IL1RAP: variants seen among roughly 807,000 people sequenced by gnomAD.
The protein encoded by IL1RAP is interleukin-1 receptor accessory protein.
IL1RAP carries 35 observed loss-of-function variants against 60.7 expected under a neutral mutation model. The ratio of observed to expected loss-of-function variants is 0.58; its 90% CI spans 0.44 to 0.76. IL1RAP has a LOEUF of 0.76. Among genes scored for constraint, IL1RAP ranks in the 30% least tolerant of loss-of-function variants. The pLI is 0.00. For missense variants in IL1RAP, 572 were observed against 693.9 expected (o/e 0.82, Z 1.97); for synonymous variants, 268 against 250.9 (o/e 1.07, Z -0.64).
At chr3:190,584,096 A>G (rs955079492) in intron 3 of IL1RAP, among the ~76,000 whole-genome samples, 2 of 152,190 alleles carry the variant, frequency 1.3e-5, no homozygotes, top group Non-Finnish European at 2.9e-5. Flanking sequence ...TTCTGCTCCT[A>G]TAATTCTGCC....
At chr3:190,581,128 C>T (rs1727960465) in intron 3 of IL1RAP, among the ~76,000 whole-genome samples, 1 of 152,154 alleles carries the variant, frequency 6.6e-6, no homozygotes, top group South Asian at 2.1e-4. Context: ...ATATAAATCT[C>T]AGTGCTATGG....
intron 5 of IL1RAP, among the ~76,000 whole-genome samples, chr3:190,613,238 T>C (rs1269627460): frequency 6.6e-6 from 1 of 152,202 alleles, no homozygotes; most frequent in East Asian, 1.9e-4. Context: ...GATGACATGG[T>C]GCTATTAACC....
At chr3:190,583,035 A>T (rs544273141) in intron 3 of IL1RAP, among the ~76,000 whole-genome samples, 1 of 152,222 alleles carries the variant, frequency 6.6e-6, no homozygotes, top group Non-Finnish European at 1.5e-5. Context: ...CTCAGGGAAC[A>T]TCCCATCTCC....
At chr3:190,540,571 T>C (rs547905593) in intron 1 of IL1RAP, among the ~76,000 whole-genome samples, 2 of 152,170 alleles carry the variant, frequency 1.3e-5, no homozygotes, top group East Asian at 3.9e-4. Context: ...TTCATTTTGC[T>C]CTTTCTTCTG....
At chr3:190,521,246 C>CT in intron 1 of IL1RAP, among the ~76,000 whole-genome samples, 1 of 151,844 alleles carries the variant, frequency 6.6e-6, no homozygotes, top group East Asian at 1.9e-4. Flanking sequence ...TAATATAGAA[C>CT]TTTAAGTCGT....
chr3:190,657,653 C>T (rs948118509), exon 12 of IL1RAP: 3 of 152,176 alleles, frequency 2.0e-5, no homozygotes, highest in African/African-American at 4.8e-5. Flanking sequence ...ATAGTTATTT[C>T]TTCTCTGTAA....
intron 1 of IL1RAP, among the ~76,000 whole-genome samples, chr3:190,531,953 A>T (rs952513988): frequency 1.3e-5 from 2 of 152,194 alleles, no homozygotes; most frequent in African/African-American, 4.8e-5. Context: ...AAAGAATACT[A>T]GATTGCTGGG....
At chr3:190,588,197 T>C (rs1323192649) in intron 3 of IL1RAP, among the ~76,000 whole-genome samples, 1 of 152,204 alleles carries the variant, frequency 6.6e-6, no homozygotes, top group Non-Finnish European at 1.5e-5. Context: ...CACTGCAACC[T>C]CTGCCTCCTG....
At chr3:190,577,858 T>C (rs1218708109) in intron 3 of IL1RAP, among the ~76,000 whole-genome samples, 2 of 152,166 alleles carry the variant, frequency 1.3e-5, no homozygotes, top group African/African-American at 4.8e-5. Flanking sequence ...ACCCAACCCT[T>C]AACAGTGATT....
chr3:190,571,879 A>G (rs1042793693), intron 3 of IL1RAP, among the ~76,000 whole-genome samples: 1 of 151,072 alleles, frequency 6.6e-6, no homozygotes, highest in African/African-American at 2.4e-5. Context: ...TGTTAGTGTT[A>G]GCTTATTTTA....
At chr3:190,563,487 CT>C (rs760002197) in intron 2 of IL1RAP, 2 of 152,256 alleles carry the variant, frequency 1.3e-5, no homozygotes, top group East Asian at 1.9e-4. Context: ...CTTCACAGAG[CT>C]GTCAAATCTC....
chr3:190,520,712 A>G (rs2108596519), intron 1 of IL1RAP, among the ~76,000 whole-genome samples: 1 of 152,328 alleles, frequency 6.6e-6, no homozygotes, highest in South Asian at 2.1e-4. Context: ...GAGAACAGGT[A>G]ACCTTTTATG....
Position 190,564,913 on chromosome 3 carries a change from C to T in IL1RAP, c.64+560C>T, listed in dbSNP as rs142291214. Among the ~76,000 whole-genome samples the T allele has an allele frequency of 2.8e-3, 425 of 152,200 alleles. 4 individuals are homozygous for T. The highest frequency in any genetic ancestry group is 9.8e-3 in the African/African-American group (406 of 41,546). The stretch of plus-strand genomic sequence containing the variant: ...ACTCAGTCATCATGGGCCTGGATCA[C>T]GTGAAATTAGATATGGAAGAGACTT... On this transcript the variant is annotated intron_variant, in intron 3 of 11. Transcript: ENST00000447382.
rs759494133 is a variant in IL1RAP at position 190,645,996 on chromosome 3, G to A, written c.1345+154G>A. On this transcript the variant is annotated intron_variant, in intron 11 of 11. Coordinates refer to ENST00000447382, the MANE Select transcript of IL1RAP (RefSeq NM_002182.4). Reference sequence around the variant, plus strand: ...CAGACTCCTCTAGAAATAAAACTACGTTGGAAATGTATACTATTCAACTCA... The same window carrying A: ...CAGACTCCTCTAGAAATAAAACTACATTGGAAATGTATACTATTCAACTCA... Among the ~76,000 whole-genome samples, 77 of 152,156 alleles carry A rather than the reference G, an allele frequency of 5.1e-4. 1 individual carries two copies. The highest frequency in any genetic ancestry group is 1.5e-4 in the Non-Finnish European group (10 of 68,014).
intron 2 of IL1RAP, among the ~76,000 whole-genome samples, chr3:190,560,506 C>T (rs755494637): frequency 2.5e-4 from 38 of 152,168 alleles, no homozygotes; most frequent in Non-Finnish European, 5.3e-4. Flanking sequence ...AGGGTGCTGA[C>T]GAGCACCAGG....
chr3:190,645,510 A>G (rs1052700591), intron 10 of IL1RAP, among the ~76,000 whole-genome samples, 189 bp from the exon 11 acceptor site: 6 of 152,236 alleles, frequency 3.9e-5, no homozygotes, highest in Non-Finnish European at 5.9e-5. Context: ...AGTTGAGGAT[A>G]TATCAGATAA....
At chr3:190,567,852 AC>A (rs1311639311) in intron 3 of IL1RAP, among the ~76,000 whole-genome samples, 1 of 152,160 alleles carries the variant, frequency 6.6e-6, no homozygotes, top group African/African-American at 2.4e-5. Flanking sequence ...AAATATTTTC[AC>A]TAATAAACTC....
intron 1 of IL1RAP, among the ~76,000 whole-genome samples, chr3:190,550,084 C>T (rs557001025): frequency 1.3e-5 from 2 of 152,256 alleles, no homozygotes; most frequent in South Asian, 2.1e-4. Flanking sequence ...CCATGGTTGC[C>T]AAAGCAGGCA....
intron 9 of IL1RAP, among the ~76,000 whole-genome samples, chr3:190,640,721 A>C (rs1305205810): frequency 6.6e-6 from 1 of 152,208 alleles, no homozygotes; most frequent in African/African-American, 2.4e-5. Context: ...GCAAGAACTC[A>C]AAACAGGGAA....
Sources: allele counts gnomAD v4.1 joint callset (sites outside exome capture counted in the v4.1 genomes callset), GRCh38; gene constraint gnomAD v4.1.1; transcripts MANE v1.5; gene names NCBI Gene and HGNC (gene_info 2026-07-23, HGNC 2026-07-21).